NFXL1: variants seen among roughly 807,000 people sequenced by gnomAD.
NFXL1 encodes nuclear transcription factor, X-box binding like 1.
In NFXL1, 66 loss-of-function variants were observed where a neutral mutation model predicts 123.3. That is an observed-to-expected ratio of 0.54 (90% CI 0.44 to 0.66). The LOEUF (loss-of-function observed/expected upper bound fraction) is 0.66. Ranked by LOEUF, NFXL1 falls within the 30% of genes least tolerant of loss-of-function variation. NFXL1 has a pLI of 0.00. For synonymous variants in NFXL1, 346 were observed against 360.8 expected, an observed-to-expected ratio of 0.96 and a Z score of 0.46; for missense variants, 944 against 1,125.6, an observed-to-expected ratio of 0.84 and a Z score of 2.31.
intron 18 of NFXL1, 93 bp downstream of exon 18, chr4:47,875,034 T>A: frequency 1.3e-6 from 1 of 751,964 alleles, no homozygotes. Context: ...ATCTAGAGTT[T>A]AAGCAAAGTA....
chr4:47,852,407 A>C (rs975102873), intron 20 of NFXL1, among the ~76,000 whole-genome samples: 11 of 152,138 alleles, frequency 7.2e-5, no homozygotes, highest in African/African-American at 2.7e-4. Flanking sequence ...GGTAGTGAAA[A>C]TGAGGAACCA....
chr4:47,847,977 T>C lies in NFXL1; in HGVS notation c.*186A>G. ...TCATGCCTTCACTTTAAAACAGTAT[T>C]ATACTGCCCTTTCTAGTATACTAAT... On this transcript the variant is annotated 3_prime_UTR_variant, in exon 23 of 23. Transcript: ENST00000507489. The C allele has an allele frequency of 4.4e-6, 2 of 453,076 alleles. No individual in the cohort carries two copies. The highest frequency in any genetic ancestry group is 7.8e-6 in the Non-Finnish European group (2 of 257,214). 28.1% of individuals were successfully genotyped at this position (453,076 alleles called of 1,614,324 possible).
At chr4:47,889,512 G>A (rs534173936) in intron 12 of NFXL1, among the ~76,000 whole-genome samples, 5 of 152,200 alleles carry the variant, frequency 3.3e-5, no homozygotes, top group South Asian at 2.1e-4. Context: ...ATAGTCTCCC[G>A]GCCTGTTCCA....
chr4:47,911,799 C>T (rs1737839911), intron 2 of NFXL1, among the ~76,000 whole-genome samples: 1 of 152,188 alleles, frequency 6.6e-6, no homozygotes, highest in Admixed American at 6.5e-5. Flanking sequence ...AAACTTCAAA[C>T]TTCTTGAGAG....
At chr4:47,876,999 A>G (rs1560590311) in intron 17 of NFXL1, 2 of 1,140,346 alleles carry the variant, frequency 1.8e-6, no homozygotes, top group East Asian at 5.8e-5. Context: ...ATGCAAAAAG[A>G]ACCAAAGTTC....
In NFXL1 at chr4:47,868,296, G is replaced by C. The variant is rs139288599; in HGVS notation, c.2247-5381C>G. 5.6e-3 allele frequency among the ~76,000 whole-genome samples: 844 copies of C among 151,238 alleles called. 5 individuals are homozygous for C. Among genetic ancestry groups the C allele is most frequent in the African/African-American group, 0.019 (790 of 41,202 alleles). On this transcript the variant is annotated intron_variant, in intron 18 of 22. Coordinates refer to ENST00000507489, the MANE Select transcript of NFXL1 (RefSeq NM_001278624.2). The stretch of plus-strand genomic sequence containing the variant: ...ATCGCACCATTGCACTCCAGCCTGG[G>C]TGACAGAGCGAGACTCCGTCTCAAA...
chr4:47,871,589 G>A (rs1233055091), intron 18 of NFXL1, among the ~76,000 whole-genome samples: 1 of 152,140 alleles, frequency 6.6e-6, no homozygotes, highest in East Asian at 1.9e-4. Context: ...ATTCGTGGGT[G>A]AAAGTTTGAT....
At chr4:47,894,057 T>C (rs1560599325) in intron 11 of NFXL1, 123 bp downstream of exon 11, 2 of 540,154 alleles carry the variant, frequency 3.7e-6, no homozygotes, top group Non-Finnish European at 6.0e-6. Flanking sequence ...TTTATTAATA[T>C]ATTAAAGGAA....
rs138948485 is a variant in NFXL1, at chr4:47,853,096, G to A, written c.2422-1154C>T. On this transcript the variant is annotated intron_variant, in intron 20 of 22. Coordinates refer to ENST00000507489, the MANE Select transcript of NFXL1 (RefSeq NM_001278624.2). Reference sequence around the variant, plus strand: ...AACACTGGAGACAAAAATAAGTATCGTGTGTTTATAGACATTAAGTCCATC... The same window carrying A: ...AACACTGGAGACAAAAATAAGTATCATGTGTTTATAGACATTAAGTCCATC... Among the ~76,000 whole-genome samples, 726 of 151,978 alleles carry A rather than the reference G, an allele frequency of 4.8e-3. 6 individuals are homozygous for A. Among genetic ancestry groups the A allele is most frequent in the African/African-American group, 0.016 (683 of 41,478 alleles).
chr4:47,863,414 G>A (rs1010614956), intron 18 of NFXL1, among the ~76,000 whole-genome samples: 5 of 152,102 alleles, frequency 3.3e-5, no homozygotes, highest in African/African-American at 7.2e-5. Flanking sequence ...AGGTACAGTC[G>A]CTCTAACCTG....
chr4:47,855,156 C>T lies in NFXL1; in HGVS notation c.2324G>A (p.Cys775Tyr). Reference sequence around the variant, plus strand: ...ACACATCTCTTTGCATCTATGACCACAAGGAAGCTAAAATAAAATCAAAAT... The same window carrying T: ...ACACATCTCTTTGCATCTATGACCATAAGGAAGCTAAAATAAAATCAAAAT... The part of the protein sequence containing the change: ...CKNQCPKELP[C>Y]GHRCKEMCHP... The change falls in exon 20 of 23, where the codon TGT becomes TAT. Residue 775 changes from cysteine to tyrosine, a missense_variant. Physicochemically the swap from Cys to Tyr is radical, Grantham distance 194. Around this residue, in one of 4 missense-constraint regions of NFXL1, gnomAD observed 301 missense variants for 348.0 expected, o/e 0.86. Coordinates refer to ENST00000507489, the MANE Select transcript of NFXL1 (RefSeq NM_001278624.2). The T allele has an allele frequency of 6.4e-7, 1 of 1,564,452 alleles. No homozygotes were observed. The highest frequency in any genetic ancestry group is 8.7e-7 in the Non-Finnish European group (1 of 1,145,184).
intron 12 of NFXL1, among the ~76,000 whole-genome samples, chr4:47,887,984 AC>A (rs1736542607): frequency 6.6e-6 from 1 of 152,060 alleles, no homozygotes; most frequent in Non-Finnish European, 1.5e-5. Flanking sequence ...AAAAAAAAAA[AC>A]TATAAATCGG....
At chr4:47,851,835 T>C in intron 21 of NFXL1, 21 bp downstream of exon 21, 1 of 1,480,732 alleles carries the variant, frequency 6.8e-7, no homozygotes. Context: ...GTCTTTAAAA[T>C]GATATTTAAC....
intron 22 of NFXL1, 45 bp downstream of exon 22, chr4:47,851,050 G>A (rs905653517): frequency 7.1e-7 from 1 of 1,408,912 alleles, no homozygotes; most frequent in Admixed American, 1.7e-5. Flanking sequence ...ACAAAATCTA[G>A]CAATGATGCT....
intron 17 of NFXL1, among the ~76,000 whole-genome samples, chr4:47,877,722 ATAAAT>A (rs1362972912): frequency 3.9e-5 from 6 of 152,224 alleles, no homozygotes; most frequent in Non-Finnish European, 4.4e-5. Flanking sequence ...GTCATGTATT[ATAAAT>A]TAAAGACCAA....
intron 10 of NFXL1, among the ~76,000 whole-genome samples, chr4:47,896,286 T>C (rs1349193258): frequency 1.3e-5 from 2 of 152,204 alleles, no homozygotes; most frequent in Non-Finnish European, 2.9e-5. Flanking sequence ...AGGCTTACCA[T>C]AAACCTTCAA....
At chr4:47,876,888 A>G (rs1735789744) in intron 17 of NFXL1, 1 of 331,904 alleles carries the variant, frequency 3.0e-6, no homozygotes, top group Non-Finnish European at 6.0e-6. Context: ...GAAATCAAGC[A>G]TGATTCCTAT....
intron 18 of NFXL1, among the ~76,000 whole-genome samples, chr4:47,867,231 T>C (rs1156428323): frequency 2.2e-5 from 3 of 139,296 alleles, no homozygotes; most frequent in Non-Finnish European, 4.9e-5. Flanking sequence ...CAAAGGTTGA[T>C]TGAATTCAGG....
chr4:47,848,652 G>A (rs1733944125), intron 22 of NFXL1, among the ~76,000 whole-genome samples: 1 of 152,166 alleles, frequency 6.6e-6, no homozygotes, highest in African/African-American at 2.4e-5. Flanking sequence ...CACTTTGGGA[G>A]GCTGAGGCAG....
Sources: gnomAD v4.1 joint callset for allele counts (sites outside exome capture counted in the v4.1 genomes callset) on GRCh38, gnomAD v4.1.1 for gene constraint, gnomAD v4.1.1 regional missense constraint, MANE v1.5 for transcripts, NCBI Gene and HGNC (gene_info 2026-07-23, HGNC 2026-07-21) for gene names.